FALEC: variants seen among roughly 807,000 people sequenced by gnomAD.
FALEC encodes focally amplified lncRNA regulator of ECM1, also known as focally amplified lncRNA on chromosome 1.
At chr1:150,518,069 T>A (rs1391495424), downstream of FALEC, 3 of 152,164 alleles carry the variant, frequency 2.0e-5, no homozygotes, top group Admixed American at 1.3e-4. Context: ...AAATGAATTC[T>A]TCTAGGTATA....
At chr1:150,530,211 T>C in the FALEC span, among the ~76,000 whole-genome samples, 2 of 152,198 alleles carry the variant, frequency 1.3e-5, no homozygotes, top group African/African-American at 4.8e-5. Context: ...CAGTTCCTTA[T>C]TTCAGAGGGC....
At chr1:150,529,197 G>T in the FALEC span, among the ~76,000 whole-genome samples, 1 of 152,180 alleles carries the variant, frequency 6.6e-6, no homozygotes, top group African/African-American at 2.4e-5. Context: ...GGAACGGGGT[G>T]TGAGTGTTTA....
the FALEC span, among the ~76,000 whole-genome samples, chr1:150,531,506 A>T: frequency 7.9e-5 from 12 of 152,096 alleles, no homozygotes; most frequent in Non-Finnish European, 1.8e-4. Context: ...TCTCACCCAC[A>T]GCCTGCGGTC....
At chr1:150,522,981 ATAT>A (rs1251105159), downstream of FALEC, among the ~76,000 whole-genome samples, 4 of 21,464 alleles carry the variant, frequency 1.9e-4, no homozygotes, top group Admixed American at 7.6e-4. Flanking sequence ...ATATATATAT[ATAT>A]TTTTTTTTTT....
the FALEC span, among the ~76,000 whole-genome samples, chr1:150,532,064 GC>G: frequency 6.6e-6 from 1 of 152,100 alleles, no homozygotes; most frequent in African/African-American, 2.4e-5. Flanking sequence ...CCACCACCAC[GC>G]CCAGCTAATT....
At chr1:150,529,696 C>T in the FALEC span, among the ~76,000 whole-genome samples, 15 of 151,902 alleles carry the variant, frequency 9.9e-5, no homozygotes. Flanking sequence ...CTCCCGGGTT[C>T]ACGCCATTCT....
At chr1:150,522,405 C>A (rs114486272), downstream of FALEC, among the ~76,000 whole-genome samples, 8 of 152,112 alleles carry the variant, frequency 5.3e-5, no homozygotes, top group African/African-American at 1.9e-4. Flanking sequence ...GGAGGATCGC[C>A]CAAGGTCAGG....
At chr1:150,533,523 C>T in the FALEC span, among the ~76,000 whole-genome samples, 1 of 150,412 alleles carries the variant, frequency 6.6e-6, no homozygotes, top group African/African-American at 2.5e-5. Context: ...GCAACCTCCG[C>T]CTCCCAGGTT....
At chr1:150,520,367 T>A (rs1350351572), downstream of FALEC, among the ~76,000 whole-genome samples, 3 of 152,200 alleles carry the variant, frequency 2.0e-5, no homozygotes, top group Middle Eastern at 3.2e-3. Flanking sequence ...TAATATACTG[T>A]CTTTATGAAT....
At chr1:150,530,819 C>T in the FALEC span, among the ~76,000 whole-genome samples, 1 of 152,172 alleles carries the variant, frequency 6.6e-6, no homozygotes, top group Non-Finnish European at 1.5e-5. Flanking sequence ...TATAGATATC[C>T]AGCTTTTGGT....
At chr1:150,520,627 A>T (rs1054080258), downstream of FALEC, among the ~76,000 whole-genome samples, 3 of 152,172 alleles carry the variant, frequency 2.0e-5, no homozygotes, top group Non-Finnish European at 4.4e-5. Flanking sequence ...ACTATTGTGA[A>T]TAATGCACAA....
the FALEC span, among the ~76,000 whole-genome samples, chr1:150,534,787 A>G: frequency 5.3e-5 from 8 of 150,084 alleles, no homozygotes; most frequent in Non-Finnish European, 1.2e-4. Flanking sequence ...GGTTGCAGTG[A>G]GCTGAGATCA....
chr1:150,526,657 G>A, the FALEC span, among the ~76,000 whole-genome samples: 5 of 149,752 alleles, frequency 3.3e-5, no homozygotes, highest in East Asian at 2.0e-4. Flanking sequence ...TTTTTGAGGC[G>A]GAGTCTCACT....
chr1:150,523,150 G>A, the FALEC span, among the ~76,000 whole-genome samples: 1 of 143,480 alleles, frequency 7.0e-6, no homozygotes, highest in Middle Eastern at 3.5e-3. Context: ...ACCATGCCCG[G>A]CTAACTTAAT....
chr1:150,526,115 C>A, the FALEC span, among the ~76,000 whole-genome samples: 1 of 152,016 alleles, frequency 6.6e-6, no homozygotes, highest in Admixed American at 6.6e-5. Context: ...GTAATCCCAG[C>A]ACTTTGGGAG....
the FALEC span, among the ~76,000 whole-genome samples, chr1:150,526,393 C>T: frequency 2.0e-5 from 3 of 151,096 alleles, no homozygotes; most frequent in East Asian, 5.8e-4. Context: ...GAGACAGGGT[C>T]TCGCTATGTC....
At chr1:150,533,309 C>T in the FALEC span, among the ~76,000 whole-genome samples, 3 of 151,994 alleles carry the variant, frequency 2.0e-5, no homozygotes, top group Non-Finnish European at 2.9e-5. Context: ...AGCCTCACTG[C>T]TGTAAGCCAC....
downstream of FALEC, among the ~76,000 whole-genome samples, chr1:150,521,751 G>A (rs587642615): frequency 6.6e-6 from 1 of 152,264 alleles, no homozygotes; most frequent in East Asian, 1.9e-4. Context: ...ATTTGCATGG[G>A]TCTATTTATG....
the FALEC span, among the ~76,000 whole-genome samples, chr1:150,525,123 CA>C: frequency 6.6e-6 from 1 of 151,964 alleles, no homozygotes; most frequent in Admixed American, 6.6e-5. Flanking sequence ...GGTGAAACCC[CA>C]TCTCTGCTAA....
Sources: allele counts gnomAD v4.1 joint callset (sites outside exome capture counted in the v4.1 genomes callset), GRCh38; gene constraint gnomAD v4.1.1; transcripts MANE v1.5; gene names NCBI Gene and HGNC (gene_info 2026-07-23, HGNC 2026-07-21).